Variants in TAFA5 observed in about 807,000 individuals in gnomAD.
TAFA5 encodes the protein chemokine-like protein TAFA-5.
TAFA5 carries 6 observed loss-of-function variants against 15.3 expected under a neutral mutation model. The observed-to-expected ratio is 0.39, with a 90% CI of 0.21 to 0.77. TAFA5 has a LOEUF of 0.77. TAFA5 is among the 30% of genes least tolerant of loss of function. The pLI, the probability that TAFA5 is intolerant of heterozygous loss-of-function variation, is 0.41. For synonymous variants in TAFA5, 103 were observed against 80.7 expected, an observed-to-expected ratio of 1.28 and a Z score of -1.48; for missense variants, 161 against 193.1, an observed-to-expected ratio of 0.83 and a Z score of 0.98.
At position 48,742,742 on chromosome 22, in the gene TAFA5, G is replaced by A. The variant is rs567975260; in HGVS notation, c.391-7097G>A. 6.6e-6 allele frequency among the ~76,000 whole-genome samples: 1 copy of A among 152,298 alleles called. No homozygotes were observed. The highest frequency in any genetic ancestry group is 2.4e-5 in the African/African-American group (1 of 41,568). ...GTGGTGAAGCCGGCAGCACAGTGGA[G>A]CAGGCATTATGGTGGACTGGGCAGC... On this transcript the variant is annotated intron_variant, in intron 3 of 3. Coordinates refer to ENST00000402357, the MANE Select transcript of TAFA5 (RefSeq NM_001082967.3). This position sits in a 1 kb window ranked among gnomAD's most constrained non-coding sequence, Gnocchi z 6.2.
At chr22:48,722,845 A>G (rs130192) in intron 3 of TAFA5, among the ~76,000 whole-genome samples, 62,027 of 151,690 alleles carry the variant, frequency 0.41, 13,555 homozygotes, top group Non-Finnish European at 0.48. Context: ...AGTCATGTCT[A>G]GGGTCCATCC....
At chr22:48,517,915 G>A (rs1601844611) in intron 1 of TAFA5, among the ~76,000 whole-genome samples, 1 of 152,230 alleles carries the variant, frequency 6.6e-6, no homozygotes, top group Non-Finnish European at 1.5e-5. Flanking sequence ...GCGCTCACAT[G>A]TGACGGTGCG....
Position 48,713,659 on chromosome 22 carries a change from C to T in TAFA5, c.390+5815C>T, listed in dbSNP as rs116755325. 5.5e-4 allele frequency among the ~76,000 whole-genome samples: 83 copies of T among 152,280 alleles called. 1 individual carries two copies. Among genetic ancestry groups the T allele is most frequent in the African/African-American group, 1.8e-3 (76 of 41,556 alleles). On this transcript the variant is annotated intron_variant, in intron 3 of 3. Coordinates refer to ENST00000402357, the MANE Select transcript of TAFA5 (RefSeq NM_001082967.3). ...CTCCAGCAGTGCTGAGCGTCGTCCA[C>T]GGGGGCCTTGTTTGGGATTTAGGAG...
chr22:48,533,246 ATCGATGC>A (rs1922033406), intron 1 of TAFA5, among the ~76,000 whole-genome samples: 1 of 152,094 alleles, frequency 6.6e-6, no homozygotes, highest in Non-Finnish European at 1.5e-5. Flanking sequence ...TAGAAGTCTC[ATCGATGC>A]CCTGGTCTCC....
chr22:48,594,331 G>A lies in TAFA5; in HGVS notation c.113-52266G>A, dbSNP rs115584615. 4.8e-3 allele frequency among the ~76,000 whole-genome samples: 725 copies of A among 152,302 alleles called. 4 individuals carry two copies. The highest frequency in any genetic ancestry group is 0.016 in the African/African-American group (685 of 41,550). ...AGAGAAATGGGGGGACCAGTGGGAC[G>A]TTCTGGGGTGCACGCATGTAGGGGA... On this transcript the variant is annotated intron_variant, in intron 1 of 3. Coordinates refer to ENST00000402357, the MANE Select transcript of TAFA5 (RefSeq NM_001082967.3).
chr22:48,666,695 A>G (rs1420224453), intron 2 of TAFA5, among the ~76,000 whole-genome samples: 1 of 152,214 alleles, frequency 6.6e-6, no homozygotes, highest in Non-Finnish European at 1.5e-5. Flanking sequence ...ACAGCGTCAC[A>G]CCGGCTAGTT....
At chr22:48,661,262 C>G (rs1468603430) in intron 2 of TAFA5, among the ~76,000 whole-genome samples, 1 of 152,190 alleles carries the variant, frequency 6.6e-6, no homozygotes, top group African/African-American at 2.4e-5. Context: ...TTCCCCATGC[C>G]CCACCCTCGG....
At chr22:48,586,884 G>A (rs762233930) in intron 1 of TAFA5, among the ~76,000 whole-genome samples, 1 of 152,240 alleles carries the variant, frequency 6.6e-6, no homozygotes, top group Non-Finnish European at 1.5e-5. Context: ...TCCCCTGGAT[G>A]GCAGGATGGG....
intron 3 of TAFA5, among the ~76,000 whole-genome samples, chr22:48,730,730 C>G (rs543398769): frequency 1.3e-5 from 2 of 152,130 alleles, no homozygotes; most frequent in African/African-American, 4.8e-5. Context: ...AAACCATGCC[C>G]GTGTAAGATG....
At chr22:48,637,999 A>G (rs1314156001) in intron 1 of TAFA5, among the ~76,000 whole-genome samples, 2 of 152,078 alleles carry the variant, frequency 1.3e-5, no homozygotes, top group Non-Finnish European at 2.9e-5. Context: ...AACTGACAAG[A>G]CAGTCGCTGA....
chr22:48,590,473 G>A (rs531765344), intron 1 of TAFA5, among the ~76,000 whole-genome samples: 1 of 152,318 alleles, frequency 6.6e-6, no homozygotes, highest in East Asian at 1.9e-4. Context: ...GCAGTGAGGT[G>A]ATACATGGGT....
At chr22:48,503,618 A>G (rs1254819058) in intron 1 of TAFA5, among the ~76,000 whole-genome samples, 6 of 152,258 alleles carry the variant, frequency 3.9e-5, no homozygotes, top group African/African-American at 1.2e-4. Flanking sequence ...GGAATCTTCA[A>G]AAAGACTATG....
chr22:48,546,135 G>A (rs1022163363), intron 1 of TAFA5, among the ~76,000 whole-genome samples: 4 of 152,196 alleles, frequency 2.6e-5, no homozygotes, highest in South Asian at 2.1e-4. Flanking sequence ...TCGCTGAGTC[G>A]GGAGGAGGAG....
intron 2 of TAFA5, among the ~76,000 whole-genome samples, chr22:48,700,443 G>A (rs1307863250): frequency 6.6e-6 from 1 of 152,140 alleles, no homozygotes; most frequent in Admixed American, 6.5e-5. Flanking sequence ...AGGGGCTGGG[G>A]GAGAGATCCT....
chr22:48,593,511 G>T (rs1924650929), intron 1 of TAFA5, among the ~76,000 whole-genome samples: 1 of 152,280 alleles, frequency 6.6e-6, no homozygotes, highest in African/African-American at 2.4e-5. Flanking sequence ...TGATGGGGGT[G>T]GCTGGGGTCG....
chr22:48,740,777 G>C (rs1367286739), intron 3 of TAFA5, among the ~76,000 whole-genome samples: 1 of 152,168 alleles, frequency 6.6e-6, no homozygotes, highest in Admixed American at 6.5e-5. Flanking sequence ...GCCTCGCAGG[G>C]TCTGCAGGCA....
intron 1 of TAFA5, among the ~76,000 whole-genome samples, chr22:48,554,697 A>G (rs1252804154): frequency 6.6e-6 from 1 of 152,158 alleles, no homozygotes; most frequent in African/African-American, 2.4e-5. Flanking sequence ...CCTCCAAATT[A>G]TTATTATTTC....
chr22:48,498,069 A>G (rs531318148), intron 1 of TAFA5, among the ~76,000 whole-genome samples: 1 of 2,704 alleles, frequency 3.7e-4, no homozygotes, highest in Non-Finnish European at 6.5e-4. Flanking sequence ...TGGGGCTGCA[A>G]GCCTGGGGGC....
chr22:48,603,802 C>A (rs760677883), intron 1 of TAFA5, among the ~76,000 whole-genome samples: 1 of 152,172 alleles, frequency 6.6e-6, no homozygotes, highest in African/African-American at 2.4e-5. Flanking sequence ...TCTGGCCAGG[C>A]AGACTTGGCA....
Sources: allele counts gnomAD v4.1 joint callset (sites outside exome capture counted in the v4.1 genomes callset), GRCh38; gene constraint gnomAD v4.1.1; non-coding constraint Gnocchi (gnomAD v3.1); transcripts MANE v1.5; gene names NCBI Gene and HGNC (gene_info 2026-07-23, HGNC 2026-07-21).